SEMA4D: variants seen among roughly 807,000 people sequenced by gnomAD.
The protein encoded by SEMA4D is semaphorin-4D.
SEMA4D carries 22 observed loss-of-function variants against 74.8 expected under a neutral mutation model. The observed-to-expected ratio is 0.29, with a 90% CI of 0.21 to 0.42. SEMA4D has a LOEUF of 0.42. Ranked by LOEUF, SEMA4D falls within the 10% of genes least tolerant of loss-of-function variation. SEMA4D has a pLI of 1.00. For synonymous variants in SEMA4D, 445 were observed against 463.7 expected, an observed-to-expected ratio of 0.96 and a Z score of 0.52; for missense variants, 937 against 1,118.4, an observed-to-expected ratio of 0.84 and a Z score of 2.31.
chr9:89,441,841 A>ATC (rs1851739256), intron 2 of SEMA4D, among the ~76,000 whole-genome samples: 3 of 152,168 alleles, frequency 2.0e-5, no homozygotes, highest in African/African-American at 7.2e-5. Flanking sequence ...ATCTAAGTGA[A>ATC]AGGGAAGTCC....
intron 2 of SEMA4D, among the ~76,000 whole-genome samples, chr9:89,453,582 C>A (rs565863744): frequency 1.3e-5 from 2 of 152,366 alleles, no homozygotes; most frequent in Non-Finnish European, 2.9e-5. Flanking sequence ...ACCCCAGTAC[C>A]CCAGACCAAT....
chr9:89,416,480 C>A (rs1277807242), intron 2 of SEMA4D, among the ~76,000 whole-genome samples: 2 of 152,062 alleles, frequency 1.3e-5, no homozygotes, highest in Non-Finnish European at 2.9e-5. Flanking sequence ...GCGCGACCCA[C>A]CTGTGTCAAC....
At chr9:89,402,329 G>T (rs922932928) in intron 4 of SEMA4D, among the ~76,000 whole-genome samples, 1 of 152,200 alleles carries the variant, frequency 6.6e-6, no homozygotes, top group Non-Finnish European at 1.5e-5. Flanking sequence ...AGGGTGACCA[G>T]CTGCAATGGA....
At chr9:89,441,526 C>T (rs1851662495) in intron 2 of SEMA4D, among the ~76,000 whole-genome samples, 1 of 152,250 alleles carries the variant, frequency 6.6e-6, no homozygotes, top group Non-Finnish European at 1.5e-5. Flanking sequence ...ATTCCCACAT[C>T]ATGGGCCACC....
chr9:89,425,207 C>T (rs955437223), intron 2 of SEMA4D, among the ~76,000 whole-genome samples: 1 of 152,146 alleles, frequency 6.6e-6, no homozygotes, highest in African/African-American at 2.4e-5. Context: ...GTTACCCAGG[C>T]CTTGCCACCT....
intron 4 of SEMA4D, among the ~76,000 whole-genome samples, chr9:89,399,549 G>A (rs1841727359): frequency 6.6e-6 from 1 of 152,128 alleles, no homozygotes; most frequent in Admixed American, 6.6e-5. Flanking sequence ...TGAAACCAGT[G>A]GAGTCTGGAA....
intron 2 of SEMA4D, among the ~76,000 whole-genome samples, chr9:89,435,298 TCTTGA>T (rs1850156195): frequency 6.6e-6 from 1 of 152,232 alleles, no homozygotes; most frequent in African/African-American, 2.4e-5. Context: ...TCCATGGGAA[TCTTGA>T]CTTGATGAGC....
intron 1 of SEMA4D, among the ~76,000 whole-genome samples, chr9:89,458,795 TAC>T (rs1341209500): frequency 6.6e-6 from 1 of 151,852 alleles, no homozygotes; most frequent in Non-Finnish European, 1.5e-5. Context: ...CATATTCACA[TAC>T]ACACTTATAC....
Position 89,405,533 on chromosome 9 carries a change from A to G in SEMA4D, c.-77T>C. The G allele has an allele frequency of 1.3e-6, 2 of 1,579,086 alleles. No individual in the cohort carries two copies. Among genetic ancestry groups the G allele is most frequent in the South Asian group, 2.3e-5 (2 of 88,482 alleles). Reference sequence around the variant, plus strand: ...TGGCCGGGCAGGTGTGCTATTGCAGATGCGGCTCAGCGCCCCAGGACCAGG... The same window carrying G: ...TGGCCGGGCAGGTGTGCTATTGCAGGTGCGGCTCAGCGCCCCAGGACCAGG... On this transcript the variant is annotated 5_prime_UTR_variant, in exon 3 of 16. Transcript: ENST00000422704.
At chr9:89,454,493 T>C (rs1044574334) in intron 2 of SEMA4D, among the ~76,000 whole-genome samples, 2 of 152,114 alleles carry the variant, frequency 1.3e-5, no homozygotes, top group African/African-American at 4.8e-5. Flanking sequence ...CTTGGACAGG[T>C]GGGCCCTCCA....
chr9:89,401,065 G>GT (rs1482626186), intron 4 of SEMA4D, among the ~76,000 whole-genome samples: 3 of 152,032 alleles, frequency 2.0e-5, no homozygotes, highest in African/African-American at 4.8e-5. Context: ...CTTTGTTTTT[G>GT]TTTTTTTGAG....
At position 89,392,458 on chromosome 9, in the gene SEMA4D, G is replaced by C; in HGVS notation, c.587C>G (p.Pro196Arg). Reference sequence around the variant, plus strand: ...AGGGATTGCATATTCTGTCCTCAGAGGACTGTGGGAAGAATTTCGGGAGAT... The same window carrying C: ...AGGGATTGCATATTCTGTCCTCAGACGACTGTGGGAAGAATTTCGGGAGAT... ...PIISRNSSHS[P>R]LRTEYAIPWL... Residue 196 changes from proline to arginine, a missense_variant, in exon 8 of 16, where the codon CCT (proline) becomes CGT (arginine). By Grantham distance (103) the Pro-to-Arg change is moderately radical. Transcript: ENST00000422704. 1.9e-6 allele frequency: 3 copies of C among 1,613,738 alleles called. No individual in the cohort carries two copies. The highest frequency in any genetic ancestry group is 2.5e-6 in the Non-Finnish European group (3 of 1,179,710).
At chr9:89,420,980 C>G (rs1846805732) in intron 2 of SEMA4D, among the ~76,000 whole-genome samples, 1 of 152,242 alleles carries the variant, frequency 6.6e-6, no homozygotes, top group South Asian at 2.1e-4. Context: ...CCAGTTATAT[C>G]TGCCTAGCTA....
chr9:89,385,872 CCA>C, intron 13 of SEMA4D: 1 of 155,878 alleles, frequency 6.4e-6, no homozygotes, highest in Non-Finnish European at 1.3e-5. Context: ...GGATGCCCGC[CCA>C]CCCACCCCTG....
intron 2 of SEMA4D, chr9:89,450,665 A>AGG (rs1854223643): frequency 2.5e-5 from 3 of 121,098 alleles, no homozygotes; most frequent in Admixed American, 1.5e-4. Context: ...CCCAGGAAAA[A>AGG]AAAAAAAAAA....
chr9:89,370,397 C>T (rs1009849337), intron 16 of SEMA4D, among the ~76,000 whole-genome samples: 4 of 142,648 alleles, frequency 2.8e-5, no homozygotes, highest in Admixed American at 1.4e-4. Flanking sequence ...ATATGCGTGG[C>T]GTGTGGTGTG....
chr9:89,494,795 C>G (rs1211547982), intron 1 of SEMA4D, among the ~76,000 whole-genome samples: 4 of 152,306 alleles, frequency 2.6e-5, no homozygotes, highest in African/African-American at 7.2e-5. Flanking sequence ...GCTTCCCCAC[C>G]CCACACTAAT....
At chr9:89,441,890 G>A (rs1398407064) in intron 2 of SEMA4D, among the ~76,000 whole-genome samples, 1 of 152,214 alleles carries the variant, frequency 6.6e-6, no homozygotes, top group Non-Finnish European at 1.5e-5. Context: ...GAGGGCTAGA[G>A]GCTGGCAAGA....
chr9:89,382,955 G>A (rs948073955), intron 13 of SEMA4D, among the ~76,000 whole-genome samples: 43 of 152,188 alleles, frequency 2.8e-4, no homozygotes, highest in African/African-American at 9.9e-4. Context: ...TGCACCCTGC[G>A]GGAGACTCAG....
Sources: allele counts gnomAD v4.1 joint callset (sites outside exome capture counted in the v4.1 genomes callset), GRCh38; gene constraint gnomAD v4.1.1; transcripts MANE v1.5; gene names NCBI Gene and HGNC (gene_info 2026-07-23, HGNC 2026-07-21).